Variants in PTPN13 observed in about 807,000 individuals in gnomAD.
PTPN13 encodes the protein tyrosine-protein phosphatase non-receptor type 13.
A neutral mutation model predicts 284.0 loss-of-function variants in PTPN13; 191 were observed. That is an observed-to-expected ratio of 0.67 (90% CI 0.60 to 0.76). The LOEUF is 0.76. Among genes scored for constraint, PTPN13 ranks in the 30% least tolerant of loss-of-function variants. The pLI, the probability that PTPN13 is intolerant of heterozygous loss-of-function variation, is 0.00. For missense variants in PTPN13, 2,797 were observed against 2,939.9 expected, an observed-to-expected ratio of 0.95 and a Z score of 1.12; for synonymous variants, 986 against 1,022.3, an observed-to-expected ratio of 0.96 and a Z score of 0.68.
intron 40 of PTPN13, among the ~76,000 whole-genome samples, chr4:86,792,358 G>T (rs140436557): frequency 9.8e-4 from 150 of 152,326 alleles, no homozygotes; most frequent in Middle Eastern, 3.4e-3. Context: ...ATGGGACTGT[G>T]TGAAAAGACC....
chr4:86,803,698 C>T lies in PTPN13; in HGVS notation c.6506-11C>T. On this transcript the variant is annotated splice_polypyrimidine_tract_variant and intron_variant, in intron 42 of 47. Coordinates refer to ENST00000411767, the MANE Select transcript of PTPN13 (RefSeq NM_080683.3). Reference sequence around the variant, plus strand: ...GGAGGAACTGTTTTTAAATTGCTGTCTTCCTATTAGATCATTCCTTTCTGA... The same window carrying T: ...GGAGGAACTGTTTTTAAATTGCTGTTTTCCTATTAGATCATTCCTTTCTGA... The T allele has an allele frequency of 6.2e-7, 1 of 1,612,738 alleles. No homozygotes were observed. Among genetic ancestry groups the T allele is most frequent in the Non-Finnish European group, 8.5e-7 (1 of 1,179,026 alleles).
chr4:86,795,112 C>A (rs1357421403), intron 40 of PTPN13, among the ~76,000 whole-genome samples: 1 of 152,148 alleles, frequency 6.6e-6, no homozygotes, highest in Non-Finnish European at 1.5e-5. Context: ...GGCAACCTAC[C>A]AAATGGGAGA....
intron 47 of PTPN13, among the ~76,000 whole-genome samples, chr4:86,812,428 G>A (rs192563802): frequency 1.3e-5 from 2 of 152,184 alleles, no homozygotes; most frequent in Admixed American, 1.3e-4. Context: ...GATAAGGATG[G>A]AAGACCATAG....
At chr4:86,764,499 T>A in intron 24 of PTPN13, 94 bp from the exon 25 acceptor site, 1 of 964,584 alleles carries the variant, frequency 1.0e-6, no homozygotes. Flanking sequence ...AGCTTTGTCC[T>A]GGGCTAGGTT....
At chr4:86,704,060 C>T (rs1356608042) in intron 7 of PTPN13, among the ~76,000 whole-genome samples, 1 of 151,926 alleles carries the variant, frequency 6.6e-6, no homozygotes, top group Non-Finnish European at 1.5e-5. Context: ...TGCCTGTAAT[C>T]CCAGCTACTT....
chr4:86,615,016 T>C (rs1720384064), intron 1 of PTPN13, among the ~76,000 whole-genome samples: 1 of 152,134 alleles, frequency 6.6e-6, no homozygotes, highest in Non-Finnish European at 1.5e-5. Flanking sequence ...AGTCCTAGCA[T>C]ATATTATAGT....
At chr4:86,804,521 C>T (rs942031856) in intron 43 of PTPN13, among the ~76,000 whole-genome samples, 2 of 152,148 alleles carry the variant, frequency 1.3e-5, no homozygotes, top group Non-Finnish European at 2.9e-5. Context: ...TTAAGGTATA[C>T]TCTTCTCATC....
At chr4:86,751,911 G>A (rs1737425958) in intron 19 of PTPN13, among the ~76,000 whole-genome samples, 1 of 148,010 alleles carries the variant, frequency 6.8e-6, no homozygotes, top group Admixed American at 7.0e-5. Flanking sequence ...TTATTTAAGT[G>A]AAATTGTATG....
At chr4:86,791,209 C>T (rs565673782) in intron 40 of PTPN13, among the ~76,000 whole-genome samples, 3 of 152,204 alleles carry the variant, frequency 2.0e-5, no homozygotes, top group African/African-American at 4.8e-5. Context: ...TCTGGCTCAG[C>T]GGGTCCCAAG....
intron 9 of PTPN13, among the ~76,000 whole-genome samples, chr4:86,720,537 C>T (rs1733536668): frequency 6.6e-6 from 1 of 152,140 alleles, no homozygotes; most frequent in Non-Finnish European, 1.5e-5. Context: ...AGTTGCTAAA[C>T]TCTATTTCTT....
chr4:86,735,680 G>A lies in PTPN13; in HGVS notation c.2238G>A (p.Glu746=), dbSNP rs574853399. Residue 746 remains glutamate (E), a synonymous_variant, in exon 15 of 48, where the codon GAG becomes GAA. Coordinates refer to ENST00000411767, the MANE Select transcript of PTPN13 (RefSeq NM_080683.3). ...EKLDLSYIKE[E]LPKLHNTYVG... ...TTGATTTATCCTATATCAAAGAAGA[G>A]TTACCCAAATTGCATAATACCTATG... is the stretch of plus-strand genomic sequence containing the variant. 6.2e-7 allele frequency: 1 copy of A among 1,613,492 alleles called. No homozygotes were observed. The highest frequency in any genetic ancestry group is 8.5e-7 in the Non-Finnish European group (1 of 1,179,632).
At chr4:86,687,957 G>A (rs2148954348) in intron 4 of PTPN13, among the ~76,000 whole-genome samples, 1 of 152,266 alleles carries the variant, frequency 6.6e-6, no homozygotes, top group East Asian at 1.9e-4. Context: ...CCTACCTTGT[G>A]TCAGATACTG....
chr4:86,694,760 A>C (rs910264978), intron 6 of PTPN13, among the ~76,000 whole-genome samples: 5 of 152,116 alleles, frequency 3.3e-5, no homozygotes, highest in African/African-American at 9.7e-5. Context: ...TTTGAGAATC[A>C]TGATAATCTA....
intron 2 of PTPN13, among the ~76,000 whole-genome samples, chr4:86,639,247 A>G (rs978125352): frequency 5.3e-5 from 8 of 151,982 alleles, no homozygotes; most frequent in East Asian, 3.8e-4. Flanking sequence ...AACTAGTTCA[A>G]CCATTGTGGA....
rs1439972078 is a variant in PTPN13, at chr4:86,701,641, A to T, written c.1035A>T (p.Ser345=). The change falls in exon 7 of 48, where the codon TCA becomes TCT. Residue 345 remains serine, a synonymous_variant. Transcript: ENST00000411767. ...CTAGAAAAAAGGAGGCAAGATACTC[A>T]GATGGAAGTATAGCCTTGGATATCT... ...TTPRKKEARY[S]DGSIALDIFG... The T allele has an allele frequency of 6.2e-7, 1 of 1,614,012 alleles. No homozygotes were observed. The highest frequency in any genetic ancestry group is 1.1e-5 in the South Asian group (1 of 91,086).
chr4:86,690,637 A>G (rs974439074), intron 5 of PTPN13, among the ~76,000 whole-genome samples: 1 of 152,052 alleles, frequency 6.6e-6, no homozygotes, highest in Non-Finnish European at 1.5e-5. Flanking sequence ...CAGTCCAGGG[A>G]CTTTTTTATT....
intron 2 of PTPN13, among the ~76,000 whole-genome samples, chr4:86,670,972 G>A (rs1314337054): frequency 6.6e-6 from 1 of 152,218 alleles, no homozygotes; most frequent in Non-Finnish European, 1.5e-5. Context: ...GAAGTCTGAT[G>A]TATGATTGGT....
chr4:86,677,920 C>T (rs1418063435), intron 3 of PTPN13, among the ~76,000 whole-genome samples: 1 of 152,120 alleles, frequency 6.6e-6, no homozygotes, highest in African/African-American at 2.4e-5. Flanking sequence ...GTACTTAGGG[C>T]ACCAAAATGG....
chr4:86,769,568 G>C (rs1024979638), intron 28 of PTPN13, among the ~76,000 whole-genome samples: 7 of 152,160 alleles, frequency 4.6e-5, no homozygotes, highest in Non-Finnish European at 8.8e-5. Flanking sequence ...CATGCAGTTA[G>C]TTGATAAGAT....
Sources: allele counts gnomAD v4.1 joint callset (sites outside exome capture counted in the v4.1 genomes callset), GRCh38; gene constraint gnomAD v4.1.1; transcripts MANE v1.5; gene names NCBI Gene and HGNC (gene_info 2026-07-23, HGNC 2026-07-21).